The following GRIK3 variants were observed in gnomAD, a reference collection of about 807,000 sequenced individuals.
GRIK3 encodes glutamate ionotropic receptor kainate type subunit 3.
A neutral mutation model predicts 102.5 loss-of-function variants in GRIK3; 29 were observed. The observed-to-expected ratio is 0.28, with a 90% CI of 0.21 to 0.39. The LOEUF is 0.39. GRIK3 is among the 10% of genes least tolerant of loss of function. The pLI is 1.00. For missense variants in GRIK3, 908 were observed against 1,252.4 expected (o/e 0.73, Z 4.15); for synonymous variants, 511 against 504.9 (o/e 1.01, Z -0.16).
Position 36,805,039 on chromosome 1 carries a change from A to G in GRIK3, c.2513T>C (p.Val838Ala), listed in dbSNP as rs1406213535. 1 of 1,614,062 alleles carries G rather than the reference A, an allele frequency of 6.2e-7. No homozygotes were observed. Among genetic ancestry groups the G allele is most frequent in the African/African-American group, 1.3e-5 (1 of 74,932 alleles). Residue 838 changes from valine to alanine, a missense_variant, in exon 15 of 16, where the codon GTG (valine) becomes GCG (alanine). By Grantham distance (64) the Val-to-Ala change is moderately conservative. Transcript: ENST00000373091. ...CTTGTACACAAACTCGCCCACGGCC[A>G]CCAGCACAGAGAGGACCAGCCCGGC... is the stretch of plus-strand genomic sequence containing the variant. ...LAAGLVLSVL[V>A]AVGEFVYKLR...
At chr1:36,900,544 G>C (rs1166095939) in intron 1 of GRIK3, among the ~76,000 whole-genome samples, 1 of 152,222 alleles carries the variant, frequency 6.6e-6, no homozygotes, top group Non-Finnish European at 1.5e-5. Flanking sequence ...GTGGGATGTA[G>C]TGAAAGCAGT....
intron 10 of GRIK3, among the ~76,000 whole-genome samples, chr1:36,838,743 A>G (rs1418665833): frequency 6.6e-6 from 1 of 152,188 alleles, no homozygotes; most frequent in Admixed American, 6.5e-5. Flanking sequence ...CAGATCCCTA[A>G]TAAGGAAGTA....
At position 36,979,302 on chromosome 1, in the gene GRIK3, C is replaced by A. The variant is rs142071971; in HGVS notation, c.115+54692G>T. Reference sequence around the variant, plus strand: ...GGACCAATGGCATGTGCCAATGAACCAACAGGCCAGGTCTTACCTGTGGTT... The same window carrying A: ...GGACCAATGGCATGTGCCAATGAACAAACAGGCCAGGTCTTACCTGTGGTT... On this transcript the variant is annotated intron_variant, in intron 1 of 15. Coordinates refer to ENST00000373091, the MANE Select transcript of GRIK3 (RefSeq NM_000831.4). Among the ~76,000 whole-genome samples the A allele has an allele frequency of 4.1e-4, 63 of 152,360 alleles. No individual in the cohort carries two copies. The Middle Eastern group carries it at 0.014, about 33-fold the overall frequency.
rs1442097555 is a variant in GRIK3 at position 37,030,529 on chromosome 1, T to TCC, written c.115+3464_115+3465insGG. Among the ~76,000 whole-genome samples, 25 of 117,324 alleles carry TCC rather than the reference T, an allele frequency of 2.1e-4. 1 individual carries two copies. Among genetic ancestry groups the TCC allele is most frequent in the African/African-American group, 6.6e-4 (16 of 24,420 alleles). 77.0% of individuals were successfully genotyped at this position (117,324 alleles called of 152,430 possible). On this transcript the variant is annotated intron_variant, in intron 1 of 15. Coordinates refer to ENST00000373091, the MANE Select transcript of GRIK3 (RefSeq NM_000831.4). ...TCCAGAGCTGGGCCAACCCTTCCTT[T>TCC]TCCCCACCCCCCACCCCCTCCCCCC...
Position 36,880,694 on chromosome 1 carries a change from G to A in GRIK3, c.490C>T (p.Leu164Phe), listed in dbSNP as rs147257341. 6.2e-7 allele frequency: 1 copy of A among 1,614,144 alleles called. No individual in the cohort carries two copies. The highest frequency in any genetic ancestry group is 1.7e-5 in the Admixed American group (1 of 60,028). ...CACTTGAGGTACTGGACCAGGTCGA[G>A]GATGGCATGGCTGAGCGAGGCGTAG... Reference protein sequence around the residue: ...PDYASLSHAILDLVQYLKWRS... With the variant: ...PDYASLSHAIFDLVQYLKWRS... Residue 164 changes from leucine (L) to phenylalanine (F), a missense_variant, in exon 3 of 16, where the codon CTC (leucine) becomes TTC (phenylalanine). Leu to Phe is a conservative substitution (Grantham distance 22). Transcript: ENST00000373091. The surrounding 1 kb of genome is among the most constrained non-coding windows in gnomAD (Gnocchi z 5.4).
chr1:36,870,233 A>G (rs150875702), intron 4 of GRIK3, among the ~76,000 whole-genome samples: 186 of 151,838 alleles, frequency 1.2e-3, no homozygotes, highest in African/African-American at 4.2e-3. Flanking sequence ...TTTCCCCCCA[A>G]CCCTGCTAAC....
intron 1 of GRIK3, among the ~76,000 whole-genome samples, chr1:37,006,244 G>T (rs374364428): frequency 6.6e-6 from 1 of 152,190 alleles, no homozygotes; most frequent in African/African-American, 2.4e-5. Flanking sequence ...AGACTCCAGC[G>T]GTGTTGACTG....
chr1:36,976,764 A>T (rs1300651267), intron 1 of GRIK3, among the ~76,000 whole-genome samples: 1 of 152,156 alleles, frequency 6.6e-6, no homozygotes, highest in Non-Finnish European at 1.5e-5. Context: ...ATTCTATACC[A>T]GCACAGTCCC....
intron 9 of GRIK3, 150 bp from the exon 10 acceptor site, chr1:36,842,089 G>A (rs1640461048): frequency 3.0e-6 from 2 of 677,942 alleles, no homozygotes; most frequent in Admixed American, 2.2e-5. Flanking sequence ...GTCAGGAGCG[G>A]GAAAGCACAT....
chr1:36,877,157 A>T (rs116766890), intron 3 of GRIK3, among the ~76,000 whole-genome samples: 1,665 of 152,248 alleles, frequency 0.011, 25 homozygotes, highest in African/African-American at 0.038. Context: ...AGCTCTGGCC[A>T]GTTTTGCTAG....
chr1:36,980,713 TG>T (rs1245387012), intron 1 of GRIK3, among the ~76,000 whole-genome samples: 1 of 151,838 alleles, frequency 6.6e-6, no homozygotes, highest in Non-Finnish European at 1.5e-5. Flanking sequence ...GTCCCACACA[TG>T]GGGAACAGAG....
intron 11 of GRIK3, among the ~76,000 whole-genome samples, chr1:36,823,472 C>CAAAAAA (rs71053954): frequency 7.9e-5 from 3 of 38,088 alleles, no homozygotes; most frequent in Non-Finnish European, 1.0e-4. Context: ...GACTCCGTCT[C>CAAAAAA]AAAAAAAAAA....
At chr1:36,852,458 A>C (rs1429609779) in intron 8 of GRIK3, among the ~76,000 whole-genome samples, 1 of 152,166 alleles carries the variant, frequency 6.6e-6, no homozygotes, top group Admixed American at 6.5e-5. Context: ...GAAATGTGGA[A>C]ACGAGGCCCA....
At chr1:36,894,966 GACTA>G (rs1641157242) in intron 1 of GRIK3, among the ~76,000 whole-genome samples, 1 of 152,186 alleles carries the variant, frequency 6.6e-6, no homozygotes, top group Admixed American at 6.5e-5. Context: ...TTTCATGAGA[GACTA>G]ACTGACCTGG....
chr1:36,979,258 C>A (rs1231290251), intron 1 of GRIK3, among the ~76,000 whole-genome samples: 1 of 152,274 alleles, frequency 6.6e-6, no homozygotes, highest in African/African-American at 2.4e-5. Context: ...CTGCAAGGAA[C>A]CATTCACACT....
intron 4 of GRIK3, among the ~76,000 whole-genome samples, chr1:36,871,743 A>G (rs192744997): frequency 1.3e-5 from 2 of 152,310 alleles, no homozygotes; most frequent in Non-Finnish European, 2.9e-5. Flanking sequence ...GAGTAACACC[A>G]AGTGCCGTGG....
At chr1:36,858,172 A>G (rs992286924) in intron 7 of GRIK3, among the ~76,000 whole-genome samples, 4 of 152,004 alleles carry the variant, frequency 2.6e-5, no homozygotes, top group East Asian at 1.9e-4. Flanking sequence ...ATACTCCCCA[A>G]TTTTCTTTGT....
chr1:36,959,675 GTGTGCCCTGTGACTC>G (rs1369603888), intron 1 of GRIK3, among the ~76,000 whole-genome samples: 1 of 133,364 alleles, frequency 7.5e-6, no homozygotes, highest in Non-Finnish European at 1.7e-5. Context: ...CTGTGAGTCT[GTGTGCCCTGTGACTC>G]TGTGCCCCTT....
chr1:36,953,599 G>A (rs1641869893), intron 1 of GRIK3, among the ~76,000 whole-genome samples: 1 of 152,056 alleles, frequency 6.6e-6, no homozygotes, highest in Non-Finnish European at 1.5e-5. Flanking sequence ...GCTTGGGTAT[G>A]CTTAGGTGGT....
Sources: allele counts gnomAD v4.1 joint callset (sites outside exome capture counted in the v4.1 genomes callset), GRCh38; gene constraint gnomAD v4.1.1; non-coding constraint Gnocchi (gnomAD v3.1); transcripts MANE v1.5; gene names NCBI Gene and HGNC (gene_info 2026-07-23, HGNC 2026-07-21).